BABAM2: variants seen among roughly 807,000 people sequenced by gnomAD.
The protein encoded by BABAM2 is BRISC and BRCA1-A complex member 2.
A neutral mutation model predicts 54.7 loss-of-function variants in BABAM2; 31 were observed. The ratio of observed to expected loss-of-function variants is 0.57; its 90% CI spans 0.43 to 0.77. The LOEUF is 0.77. Among genes scored for constraint, BABAM2 ranks in the 30% least tolerant of loss-of-function variants. BABAM2 has a pLI of 0.00. For missense variants in BABAM2, 364 were observed against 455.8 expected, an observed-to-expected ratio of 0.80 and a Z score of 1.83; for synonymous variants, 167 against 162.9, an observed-to-expected ratio of 1.03 and a Z score of -0.19.
intron 7 of BABAM2, among the ~76,000 whole-genome samples, chr2:28,212,399 C>A (rs1273664675): frequency 6.6e-6 from 1 of 152,116 alleles, no homozygotes; most frequent in Non-Finnish European, 1.5e-5. Flanking sequence ...ATAATACATT[C>A]TCATGGTTCA....
Position 28,034,484 on chromosome 2 carries a change from G to C in BABAM2, c.495+9064G>C, listed in dbSNP as rs989957675. Among the ~76,000 whole-genome samples the C allele has an allele frequency of 4.6e-5, 7 of 152,184 alleles. No individual in the cohort carries two copies. The South Asian group carries it at 1.4e-3, about 32-fold the overall frequency. On this transcript the variant is annotated intron_variant, in intron 5 of 11. Coordinates refer to ENST00000379624, the MANE Select transcript of BABAM2 (RefSeq NM_199191.3). Reference sequence around the variant, plus strand: ...AGTTATTATAACAGGTGCTCAATAAGTGCCGCTTCAATGATTGTTCCTGTA... The same window carrying C: ...AGTTATTATAACAGGTGCTCAATAACTGCCGCTTCAATGATTGTTCCTGTA...
At chr2:28,140,121 C>T (rs1454551133) in intron 7 of BABAM2, among the ~76,000 whole-genome samples, 2 of 152,112 alleles carry the variant, frequency 1.3e-5, no homozygotes, top group African/African-American at 4.8e-5. Flanking sequence ...CTACCTATAT[C>T]TCTTCCATCT....
In BABAM2 at chr2:28,076,115, A is replaced by ATG. The variant is rs1664637342; in HGVS notation, c.570+30317_570+30318insGT. Among the ~76,000 whole-genome samples, 6 of 152,158 alleles carry ATG rather than the reference A, an allele frequency of 3.9e-5. No homozygotes were observed. In the South Asian group the frequency reaches 1.2e-3, roughly 32 times the overall value. On this transcript the variant is annotated intron_variant, in intron 6 of 11. Transcript: ENST00000379624. ...CCTGTCTCTACAACAAAAAATAAAA[A>ATG]TATATAAAAATTAACTGGGCATGGT... is the stretch of plus-strand genomic sequence containing the variant.
chr2:28,334,132 C>G (rs1691204557), intron 11 of BABAM2, among the ~76,000 whole-genome samples: 1 of 152,226 alleles, frequency 6.6e-6, no homozygotes, highest in Non-Finnish European at 1.5e-5. Flanking sequence ...TGGCAGCACG[C>G]AGTTGGCCCT....
intron 11 of BABAM2, chr2:28,327,454 A>G: frequency 1.9e-6 from 3 of 1,566,728 alleles, no homozygotes; most frequent in Non-Finnish European, 2.6e-6. Flanking sequence ...TTTGGTAAGT[A>G]TTTAAAAATA....
rs577509537 is a variant in BABAM2, at chr2:27,893,959, A to G, written c.-24-574A>G. Among the ~76,000 whole-genome samples the G allele has an allele frequency of 3.1e-3, 455 of 145,594 alleles. 1 individual carries two copies. The highest frequency in any genetic ancestry group is 0.011 in the African/African-American group (438 of 38,536). ...CAGTGAGCCGAGATTGCGCCACTGC[A>G]CTCCAGCCTGGCAACAGAGTGAGAC... On this transcript the variant is annotated intron_variant, in intron 1 of 11. Coordinates refer to ENST00000379624, the MANE Select transcript of BABAM2 (RefSeq NM_199191.3).
intron 6 of BABAM2, among the ~76,000 whole-genome samples, chr2:28,126,812 C>T (rs565757005): frequency 3.8e-4 from 58 of 150,754 alleles, no homozygotes; most frequent in African/African-American, 1.4e-3. Flanking sequence ...CCTGTTGTTT[C>T]CTGGCTTTTT....
chr2:27,944,855 C>T (rs1464922826), intron 3 of BABAM2, among the ~76,000 whole-genome samples: 1 of 152,112 alleles, frequency 6.6e-6, no homozygotes, highest in Non-Finnish European at 1.5e-5. Context: ...TTATGAGGTT[C>T]TAGTTCTTTT....
intron 3 of BABAM2, among the ~76,000 whole-genome samples, chr2:27,930,870 C>G (rs1381683779): frequency 6.6e-6 from 1 of 152,256 alleles, no homozygotes; most frequent in East Asian, 1.9e-4. Context: ...CTCTCTTGAA[C>G]CTATTCTTGT....
chr2:28,271,071 T>C (rs1685386931), intron 10 of BABAM2, among the ~76,000 whole-genome samples: 1 of 152,188 alleles, frequency 6.6e-6, no homozygotes, highest in African/African-American at 2.4e-5. Flanking sequence ...CGTGTCTTAT[T>C]TGGTTCTTCC....
chr2:28,078,461 T>C (rs979520333), intron 6 of BABAM2, among the ~76,000 whole-genome samples: 3 of 152,100 alleles, frequency 2.0e-5, no homozygotes, highest in Non-Finnish European at 4.4e-5. Flanking sequence ...AACCCTATGC[T>C]GAGGTTGCTA....
chr2:28,171,287 C>T (rs969733737), intron 7 of BABAM2, among the ~76,000 whole-genome samples: 5 of 152,146 alleles, frequency 3.3e-5, no homozygotes, highest in Admixed American at 1.3e-4. Context: ...TTCTAATAGT[C>T]GTGTCTGTCA....
intron 7 of BABAM2, among the ~76,000 whole-genome samples, chr2:28,182,239 G>A (rs1675721212): frequency 6.6e-6 from 1 of 152,206 alleles, no homozygotes; most frequent in Non-Finnish European, 1.5e-5. Context: ...GGGGAGAATA[G>A]CGTGTGCAGG....
rs2148464957 is a variant in BABAM2, at chr2:27,977,691, T to G, written c.206-10302T>G. ...ACACCTAGAATCTTATCTTGAGATC[T>G]GGGTGTTATCCTCTAAGAGAGCTAT... is the stretch of plus-strand genomic sequence containing the variant. On this transcript the variant is annotated intron_variant, in intron 3 of 11. Transcript: ENST00000379624. Among the ~76,000 whole-genome samples, 2 of 152,326 alleles carry G rather than the reference T, an allele frequency of 1.3e-5. 1 individual carries two copies. Among genetic ancestry groups the G allele is most frequent in the South Asian group, 4.1e-4 (2 of 4,832 alleles).
intron 3 of BABAM2, among the ~76,000 whole-genome samples, chr2:27,941,038 A>G (rs1668838560): frequency 6.6e-6 from 1 of 152,154 alleles, no homozygotes; most frequent in Non-Finnish European, 1.5e-5. Flanking sequence ...ATTGAGTTTA[A>G]ATTCCTGGGA....
chr2:28,324,356 C>T (rs995614508), intron 11 of BABAM2, among the ~76,000 whole-genome samples: 7 of 152,122 alleles, frequency 4.6e-5, no homozygotes, highest in Non-Finnish European at 8.8e-5. Context: ...CCAAGGCTCC[C>T]GACTCAGTGG....
At chr2:28,321,623 A>G (rs935948094) in intron 11 of BABAM2, among the ~76,000 whole-genome samples, 11 of 152,158 alleles carry the variant, frequency 7.2e-5, no homozygotes, top group African/African-American at 2.7e-4. Flanking sequence ...AATTCCTTCC[A>G]TGGTAAGCCA....
At chr2:28,178,814 C>T (rs748225448) in intron 7 of BABAM2, among the ~76,000 whole-genome samples, 4 of 151,604 alleles carry the variant, frequency 2.6e-5, no homozygotes, top group African/African-American at 4.8e-5. Flanking sequence ...GACATTACAA[C>T]TGATACCACA....
At chr2:28,108,776 CATTTAGTAAGTGACA>C (rs1667741251) in intron 6 of BABAM2, among the ~76,000 whole-genome samples, 1 of 152,016 alleles carries the variant, frequency 6.6e-6, no homozygotes, top group African/African-American at 2.4e-5. Flanking sequence ...ACACAGACCT[CATTTAGTAAGTGACA>C]AAGAATTTTC....
Sources: allele counts gnomAD v4.1 joint callset (sites outside exome capture counted in the v4.1 genomes callset), GRCh38; gene constraint gnomAD v4.1.1; transcripts MANE v1.5; gene names NCBI Gene and HGNC (gene_info 2026-07-23, HGNC 2026-07-21).